The following SOX6 variants were observed in gnomAD, a reference collection of about 807,000 sequenced individuals.
SOX6 encodes the protein transcription factor SOX-6.
A neutral mutation model predicts 97.8 loss-of-function variants in SOX6; 11 were observed. That is an observed-to-expected ratio of 0.11 (90% CI 0.07 to 0.19). The LOEUF is 0.19. Ranked by LOEUF, SOX6 falls within the 10% of genes least tolerant of loss-of-function variation. The pLI, the probability that SOX6 is intolerant of heterozygous loss-of-function variation, is 1.00. For synonymous variants in SOX6, 360 were observed against 371.4 expected (o/e 0.97, Z 0.35); for missense variants, 810 against 1,039.5 (o/e 0.78, Z 3.04).
chr11:16,090,783 T>C (rs1848667564), intron 9 of SOX6, among the ~76,000 whole-genome samples: 1 of 152,076 alleles, frequency 6.6e-6, no homozygotes, highest in African/African-American at 2.4e-5. Context: ...CCTGAATTAA[T>C]TAACTTATAC....
At chr11:16,507,646 C>T (rs1860812317) in intron 4 of SOX6, among the ~76,000 whole-genome samples, 1 of 152,044 alleles carries the variant, frequency 6.6e-6, no homozygotes, top group South Asian at 2.1e-4. Context: ...ACAAAGGTGC[C>T]AAGAACATAC....
At chr11:16,514,824 A>C (rs1048318235) in intron 4 of SOX6, among the ~76,000 whole-genome samples, 2 of 151,120 alleles carry the variant, frequency 1.3e-5, no homozygotes, top group Non-Finnish European at 2.9e-5. Context: ...GCGATAGTTT[A>C]CTGAGAATGA....
chr11:16,646,871 T>C (rs1213018802), intron 3 of SOX6, among the ~76,000 whole-genome samples: 4 of 152,214 alleles, frequency 2.6e-5, no homozygotes, highest in Non-Finnish European at 5.9e-5. Context: ...CTTTTTTGTA[T>C]AATGACTTAT....
chr11:16,076,915 G>A (rs1848369157), intron 9 of SOX6, among the ~76,000 whole-genome samples: 3 of 151,234 alleles, frequency 2.0e-5, no homozygotes, highest in Admixed American at 1.3e-4. Context: ...CACCGCGCCC[G>A]GCTAATTTTT....
intron 4 of SOX6, among the ~76,000 whole-genome samples, chr11:16,222,310 T>C (rs1240905677): frequency 3.3e-5 from 5 of 152,142 alleles, no homozygotes; most frequent in Non-Finnish European, 5.9e-5. Flanking sequence ...ACCCCTGGGC[T>C]AAAACGATCT....
chr11:16,046,493 G>A, intron 12 of SOX6, 21 bp downstream of exon 12: 2 of 1,610,808 alleles, frequency 1.2e-6, no homozygotes, highest in South Asian at 2.2e-5. Flanking sequence ...CAGATCCAGT[G>A]ACACAAGGAA....
chr11:16,378,447 T>C (rs1857707254), intron 1 of SOX6, among the ~76,000 whole-genome samples: 2 of 152,038 alleles, frequency 1.3e-5, no homozygotes, highest in African/African-American at 4.8e-5. Context: ...ACATAAAATA[T>C]GAATAATTAA....
intron 13 of SOX6, among the ~76,000 whole-genome samples, chr11:15,991,379 C>A (rs1272672682): frequency 6.6e-6 from 1 of 152,118 alleles, no homozygotes; most frequent in Admixed American, 6.6e-5. Flanking sequence ...GACTGCTGGG[C>A]CAGATGAAGG....
In SOX6 at chr11:16,500,524, C is replaced by G. The variant is rs183704667; in HGVS notation, n.610-24136G>C. On this transcript the variant is annotated intron_variant and non_coding_transcript_variant, in intron 4 of 5. Coordinates refer to the SOX6 transcript ENST00000524520. ...TAGGAAAAGAGGAAGTCAGATTGTC[C>G]CTGTTTGCAGATGACATGATTGTAT... Among the ~76,000 whole-genome samples the G allele has an allele frequency of 1.4e-3, 209 of 152,216 alleles. 1 individual carries two copies. The highest frequency in any genetic ancestry group is 2.2e-3 in the Non-Finnish European group (149 of 68,006).
chr11:16,005,168 C>T (rs1243124241), intron 13 of SOX6, among the ~76,000 whole-genome samples: 2 of 151,952 alleles, frequency 1.3e-5, no homozygotes, highest in Non-Finnish European at 2.9e-5. Context: ...ACATTCTATT[C>T]TTCATGTAGT....
chr11:16,308,550 G>T (rs758161798), intron 3 of SOX6, among the ~76,000 whole-genome samples: 7 of 152,112 alleles, frequency 4.6e-5, no homozygotes, highest in Non-Finnish European at 8.8e-5. Flanking sequence ...AGAGGTGAAG[G>T]TTTCCAGCTA....
At chr11:16,363,802 TA>T (rs113077220) in intron 1 of SOX6, among the ~76,000 whole-genome samples, 5,149 of 147,388 alleles carry the variant, frequency 0.035, 253 homozygotes, top group African/African-American at 0.11. Flanking sequence ...AGCTTAAAGA[TA>T]AAAAAAAAAA....
At chr11:16,488,742 CAA>C (rs1860472076) in intron 4 of SOX6, among the ~76,000 whole-genome samples, 1 of 152,140 alleles carries the variant, frequency 6.6e-6, no homozygotes, top group Admixed American at 6.5e-5. Context: ...AACAAAGAAA[CAA>C]AGAGGATCAC....
At chr11:16,204,578 A>G (rs368317184) in intron 4 of SOX6, among the ~76,000 whole-genome samples, 3,352 of 116,540 alleles carry the variant, frequency 0.029, 137 homozygotes, top group African/African-American at 0.1. Context: ...AAGAAAGAAA[A>G]AAAACAACTT....
At chr11:15,994,815 C>T (rs1854174255) in intron 13 of SOX6, among the ~76,000 whole-genome samples, 1 of 152,036 alleles carries the variant, frequency 6.6e-6, no homozygotes, top group Admixed American at 6.6e-5. Context: ...TCAGCCCTGT[C>T]CTCCAATAGA....
At chr11:16,520,498 C>T (rs1176149431) in intron 4 of SOX6, among the ~76,000 whole-genome samples, 1 of 152,196 alleles carries the variant, frequency 6.6e-6, no homozygotes, top group Non-Finnish European at 1.5e-5. Context: ...TTGGGCCGAG[C>T]CAAGATGGCC....
intron 1 of SOX6, among the ~76,000 whole-genome samples, chr11:16,377,221 T>A (rs1478031080): frequency 6.6e-6 from 1 of 152,072 alleles, no homozygotes; most frequent in Non-Finnish European, 1.5e-5. Flanking sequence ...AGTGATTAAG[T>A]AGATAAATAA....
chr11:16,081,991 C>A (rs1848481809), intron 9 of SOX6, among the ~76,000 whole-genome samples: 1 of 152,154 alleles, frequency 6.6e-6, no homozygotes, highest in Non-Finnish European at 1.5e-5. Flanking sequence ...ATTAGGTTCC[C>A]ACACAGATAT....
rs149041593 is a variant in SOX6 at position 16,018,972 on chromosome 11, T to C, written c.1624-3922A>G. 1.5e-3 allele frequency among the ~76,000 whole-genome samples: 228 copies of C among 152,262 alleles called. 1 individual carries two copies. Among genetic ancestry groups the C allele is most frequent in the African/African-American group, 5.3e-3 (219 of 41,580 alleles). On this transcript the variant is annotated intron_variant, in intron 12 of 15. Coordinates refer to ENST00000683767, the MANE Select transcript of SOX6 (RefSeq NM_001367873.1). ...TATACCATCTTTAAGCATGTGAGAA[T>C]ACTTGGATAAGTTTGGCAAAACTGT...
Sources: allele counts gnomAD v4.1 joint callset (sites outside exome capture counted in the v4.1 genomes callset), GRCh38; gene constraint gnomAD v4.1.1; transcripts MANE v1.5; gene names NCBI Gene and HGNC (gene_info 2026-07-23, HGNC 2026-07-21).